The following CCT4 variants were observed in gnomAD, a reference collection of about 807,000 sequenced individuals.
CCT4 encodes chaperonin containing TCP1 subunit 4, also known as T-complex protein 1 subunit delta.
Under a neutral mutation model 62.5 loss-of-function variants are expected in CCT4, and 17 were observed. The ratio of observed to expected loss-of-function variants is 0.27; its 90% confidence interval spans 0.19 to 0.41. CCT4 has a LOEUF of 0.41. Ranked by LOEUF, CCT4 falls within the 10% of genes least tolerant of loss-of-function variation. The probability of loss-of-function intolerance (pLI) is 1.00; values close to 1 mark genes in which losing one functional copy is unlikely to be tolerated. For synonymous variants in CCT4, 250 were observed against 229.9 expected, an observed-to-expected ratio of 1.09 and a Z score of -0.79; for missense variants, 592 against 659.2, an observed-to-expected ratio of 0.90 and a Z score of 1.12.
chr2:61,885,320 G>T (rs762624309), intron 1 of CCT4, among the ~76,000 whole-genome samples: 1 of 152,036 alleles, frequency 6.6e-6, no homozygotes, highest in Non-Finnish European at 1.5e-5. Context: ...GTCCACAGAA[G>T]AAAATTCATT....
At chr2:61,868,826 T>C in intron 13 of CCT4, 120 bp from the exon 14 acceptor site, 1 of 739,152 alleles carries the variant, frequency 1.4e-6, no homozygotes, top group South Asian at 1.5e-5. Context: ...CCTTGATGAC[T>C]AGCAAATATT....
rs1572931318 is a variant in CCT4 at position 61,888,534 on chromosome 2, C to T, written c.-27G>A. On this transcript the variant is annotated 5_prime_UTR_variant, in exon 1 of 14. Transcript: ENST00000394440. ...GCAAACTCCGCTGTGTCTGGGTTGGCTCGGGAAGGACGGATGGACCCGGAT... is the reference window on the plus strand; with the variant it reads ...GCAAACTCCGCTGTGTCTGGGTTGGTTCGGGAAGGACGGATGGACCCGGAT... The T allele has an allele frequency of 6.2e-7, 1 of 1,604,364 alleles. No homozygotes were observed.
chr2:61,879,256 CTT>C (rs35373962), intron 4 of CCT4, among the ~76,000 whole-genome samples: 40 of 101,044 alleles, frequency 4.0e-4, no homozygotes, highest in Admixed American at 1.4e-3. Flanking sequence ...AAATTTTATA[CTT>C]TTTTTTTTTT....
chr2:61,887,170 C>T (rs1669274365), intron 1 of CCT4, among the ~76,000 whole-genome samples: 1 of 152,220 alleles, frequency 6.6e-6, no homozygotes, highest in Non-Finnish European at 1.5e-5. Flanking sequence ...ATCTCCTAAA[C>T]TTACAAATGA....
chr2:61,879,984 T>C (rs1205954367), intron 4 of CCT4, among the ~76,000 whole-genome samples: 1 of 151,956 alleles, frequency 6.6e-6, no homozygotes, highest in Non-Finnish European at 1.5e-5. Flanking sequence ...CACCTTGGCC[T>C]CTCAAAGTGC....
chr2:61,879,208 A>T (rs1476532774), intron 4 of CCT4, among the ~76,000 whole-genome samples, 197 bp from the exon 5 acceptor site: 1 of 151,974 alleles, frequency 6.6e-6, no homozygotes, highest in Non-Finnish European at 1.5e-5. Flanking sequence ...TCCAACTTAA[A>T]ACAGATTACA....
At chr2:61,872,616 A>G (rs1423166001) in intron 10 of CCT4, 28 bp from the exon 11 acceptor site, 1 of 1,612,180 alleles carries the variant, frequency 6.2e-7, no homozygotes, top group East Asian at 2.2e-5. Flanking sequence ...CAAATTAAGT[A>G]TTTGAAGGGT....
chr2:61,882,916 T>C (rs1285108763), intron 3 of CCT4, among the ~76,000 whole-genome samples: 3 of 151,952 alleles, frequency 2.0e-5, no homozygotes, highest in South Asian at 2.1e-4. Flanking sequence ...AATCCTCCCA[T>C]GTCAGCCTAT....
chr2:61,877,558 A>G lies in CCT4; in HGVS notation c.523-44T>C, dbSNP rs1309655151. Reference sequence around the variant, plus strand: ...AAAAAAAGTTACCTTCACAGTAGAAAAAAGTCCTAATTTTTCAATGACAAA... The same window carrying G: ...AAAAAAAGTTACCTTCACAGTAGAAGAAAGTCCTAATTTTTCAATGACAAA... On this transcript the variant is annotated intron_variant, in intron 5 of 13. Coordinates refer to ENST00000394440, the MANE Select transcript of CCT4 (RefSeq NM_006430.4). 2.1e-6 allele frequency: 3 copies of G among 1,439,844 alleles called. No individual in the cohort carries two copies. The South Asian group carries it at 4.1e-5, about 20-fold the overall frequency. The allele number at this position is 1,439,844 out of a possible 1,614,324, so 89.2% of individuals were successfully genotyped here.
At chr2:61,883,433 AAAG>A (rs772363755) in intron 3 of CCT4, 23 bp downstream of exon 3, 14 of 1,170,620 alleles carry the variant, frequency 1.2e-5, no homozygotes, top group South Asian at 4.1e-5. Context: ...AAAAAAAAAA[AAAG>A]ACTCACCTAA....
chr2:61,885,377 T>C (rs1226020833), intron 1 of CCT4, among the ~76,000 whole-genome samples: 1 of 152,190 alleles, frequency 6.6e-6, no homozygotes, highest in Non-Finnish European at 1.5e-5. Flanking sequence ...TTTAAATGTA[T>C]GATGCTTCAC....
At chr2:61,884,188 T>C (rs138414289) in intron 2 of CCT4, among the ~76,000 whole-genome samples, 163 of 152,350 alleles carry the variant, frequency 1.1e-3, no homozygotes, top group African/African-American at 3.5e-3. Flanking sequence ...GATATCTATA[T>C]TTGGGTGTGC....
In CCT4 at chr2:61,878,856, G is replaced by C; in HGVS notation, c.522+13C>G. ...TAACTAATTTGACAAGTATCCGTTA[G>C]TGTTTGTCTCACCTTTGAGTTCAGT... On this transcript the variant is annotated intron_variant, in intron 5 of 13. Transcript: ENST00000394440. The C allele has an allele frequency of 6.3e-7, 1 of 1,592,494 alleles. No homozygotes were observed. Among genetic ancestry groups the C allele is most frequent in the Middle Eastern group, 1.7e-4 (1 of 6,016 alleles).
chr2:61,882,809 CTTT>C (rs35514799), intron 3 of CCT4, among the ~76,000 whole-genome samples: 7 of 146,344 alleles, frequency 4.8e-5, no homozygotes, highest in African/African-American at 1.3e-4. Context: ...CTGTGCCCAG[CTTT>C]TTTTTTTTTT....
At chr2:61,888,239 T>C in intron 1 of CCT4, 142 bp downstream of exon 1, 1 of 974,972 alleles carries the variant, frequency 1.0e-6, no homozygotes, top group Non-Finnish European at 1.5e-6. Flanking sequence ...GAAATAAGGA[T>C]CCCTCCACTG....
At chr2:61,884,309 T>A (rs1669197782) in intron 2 of CCT4, among the ~76,000 whole-genome samples, 1 of 151,946 alleles carries the variant, frequency 6.6e-6, no homozygotes, top group Non-Finnish European at 1.5e-5. Flanking sequence ...ACTTTTTACT[T>A]TTTTTTTGGT....
chr2:61,872,646 G>C (rs1319112415), intron 10 of CCT4, 58 bp from the exon 11 acceptor site: 3 of 1,583,358 alleles, frequency 1.9e-6, no homozygotes, highest in Admixed American at 1.7e-5. Context: ...CCCACACCCA[G>C]GCCGGGCACG....
chr2:61,872,657 G>C, intron 10 of CCT4, 69 bp from the exon 11 acceptor site: 1 of 1,546,516 alleles, frequency 6.5e-7, no homozygotes, highest in Non-Finnish European at 8.9e-7. Flanking sequence ...GCCGGGCACG[G>C]CGGCTCACGC....
In CCT4 at chr2:61,868,665, C is replaced by T. The variant is rs1013276019; in HGVS notation, c.*27G>A. The T allele has an allele frequency of 2.6e-6, 4 of 1,556,888 alleles. No homozygotes were observed. Among genetic ancestry groups the T allele is most frequent in the African/African-American group, 2.7e-5 (2 of 73,734 alleles). On this transcript the variant is annotated 3_prime_UTR_variant, in exon 14 of 14. Coordinates refer to ENST00000394440, the MANE Select transcript of CCT4 (RefSeq NM_006430.4). ...CCATTCCAGCCACAATACTGGTGAT[C>T]ATAATGGTGCTAGTCAGTTATCCAG...
Sources: allele counts gnomAD v4.1 joint callset (sites outside exome capture counted in the v4.1 genomes callset), GRCh38; gene constraint gnomAD v4.1.1; transcripts MANE v1.5; gene names NCBI Gene and HGNC (gene_info 2026-07-23, HGNC 2026-07-21).